MID1: variants seen among roughly 807,000 people sequenced by gnomAD.
MID1 encodes the protein midline 1, also known as E3 ubiquitin-protein ligase Midline-1.
MID1 carries 7 observed loss-of-function variants against 40.4 expected under a neutral mutation model. That is an observed-to-expected ratio of 0.17 (90% CI 0.10 to 0.33). The LOEUF (loss-of-function observed/expected upper bound fraction) is 0.33. Among genes scored for constraint, MID1 ranks in the 10% least tolerant of loss-of-function variants. The pLI is 1.00. For synonymous variants in MID1, 229 were observed against 221.2 expected, an observed-to-expected ratio of 1.04 and a Z score of -0.31; for missense variants, 367 against 558.5, an observed-to-expected ratio of 0.66 and a Z score of 3.46.
intron 2 of MID1, among the ~76,000 whole-genome samples, chrX:10,548,806 AAGGACTCGT>A (rs200783939): frequency 0.059 from 6,592 of 111,882 alleles, 278 homozygotes; most frequent in African/African-American, 0.14. Flanking sequence ...GCTGTTTCCC[AAGGACTCGT>A]AGGAAGCATC....
chrX:10,566,630 C>A (rs1934563409), intron 2 of MID1, among the ~76,000 whole-genome samples: 2 of 108,594 alleles, frequency 1.8e-5, no homozygotes, highest in Admixed American at 2.0e-4. Context: ...TCCAGAAAAA[C>A]TGCATGGATT....
intron 1 of MID1, among the ~76,000 whole-genome samples, chrX:10,833,054 G>T (rs1171250173): frequency 1.8e-5 from 2 of 112,728 alleles, no homozygotes; most frequent in South Asian, 3.6e-4. Flanking sequence ...GTCTCAGAAG[G>T]TGTCCTTTAT....
intron 1 of MID1, among the ~76,000 whole-genome samples, chrX:10,677,129 A>C (rs2043028223): frequency 8.9e-6 from 1 of 112,158 alleles, no homozygotes; most frequent in Non-Finnish European, 1.9e-5. Context: ...TGCAAACATC[A>C]AGAAAAGGTG....
chrX:10,744,939 A>G (rs751115542), intron 1 of MID1, among the ~76,000 whole-genome samples: 11 of 112,381 alleles, frequency 9.8e-5, no homozygotes, highest in Non-Finnish European at 1.7e-4. Context: ...ACTAGATTGA[A>G]ATAAAAGTTC....
intron 1 of MID1, among the ~76,000 whole-genome samples, chrX:10,712,769 C>T (rs1165398006): frequency 8.9e-6 from 1 of 112,020 alleles, no homozygotes; most frequent in Non-Finnish European, 1.9e-5. Context: ...TGGAGCCCCA[C>T]TCCAGACATA....
chrX:10,501,732 G>C (rs1931555240), intron 3 of MID1, among the ~76,000 whole-genome samples: 1 of 111,629 alleles, frequency 9.0e-6, no homozygotes, highest in Non-Finnish European at 1.9e-5. Context: ...TTGCTACTGG[G>C]TGCACGGTTT....
At chrX:10,488,885 TCGGA>T (rs756470899) in intron 4 of MID1, among the ~76,000 whole-genome samples, 25 of 111,342 alleles carry the variant, frequency 2.2e-4, no homozygotes, top group African/African-American at 8.2e-4. Flanking sequence ...GTTTTGAGAG[TCGGA>T]CTGGCTCTCC....
At chrX:10,499,876 T>C (rs756685651) in intron 3 of MID1, among the ~76,000 whole-genome samples, 14 of 112,489 alleles carry the variant, frequency 1.2e-4, no homozygotes, top group Admixed American at 8.5e-4. Context: ...GTGTGTAATA[T>C]ACCCACATGG....
intron 1 of MID1, among the ~76,000 whole-genome samples, chrX:10,811,110 C>G (rs916523613): frequency 1.8e-5 from 2 of 111,433 alleles, no homozygotes; most frequent in African/African-American, 6.5e-5. Flanking sequence ...TCACTTATGA[C>G]TCTAGCTTAT....
chrX:10,628,502 T>A (rs1936018613), intron 1 of MID1, among the ~76,000 whole-genome samples: 1 of 112,064 alleles, frequency 8.9e-6, no homozygotes, highest in African/African-American at 3.2e-5. Flanking sequence ...AAATAACTAT[T>A]CTTTTTCATA....
intron 7 of MID1, among the ~76,000 whole-genome samples, chrX:10,467,389 A>G (rs929786902): frequency 1.8e-5 from 2 of 112,259 alleles, no homozygotes; most frequent in African/African-American, 6.5e-5. Flanking sequence ...ATTGCTATAC[A>G]GGCCTTCTGC....
chrX:10,809,924 A>C (rs1368585734), intron 1 of MID1, among the ~76,000 whole-genome samples: 1 of 110,974 alleles, frequency 9.0e-6, no homozygotes, highest in Non-Finnish European at 1.9e-5. Flanking sequence ...ATAATAAAAA[A>C]ATAATAAAAA....
intron 1 of MID1, among the ~76,000 whole-genome samples, chrX:10,638,292 G>A (rs1396593136): frequency 3.6e-5 from 4 of 111,775 alleles, no homozygotes; most frequent in South Asian, 3.8e-4. Flanking sequence ...CTGGAAAATC[G>A]GGACACTCCC....
chrX:10,721,354 A>T (rs1194399591), intron 1 of MID1, among the ~76,000 whole-genome samples: 1 of 110,882 alleles, frequency 9.0e-6, no homozygotes, highest in African/African-American at 3.3e-5. Context: ...AGTGTGAATT[A>T]AAGAGTAATT....
chrX:10,673,282 C>T (rs1038428098), intron 1 of MID1, among the ~76,000 whole-genome samples: 4 of 111,280 alleles, frequency 3.6e-5, no homozygotes, highest in Admixed American at 9.6e-5. Flanking sequence ...GAGGCTGTGT[C>T]GGTATAGAAA....
chrX:10,714,324 C>A (rs1364611096), intron 1 of MID1, among the ~76,000 whole-genome samples: 1 of 112,514 alleles, frequency 8.9e-6, no homozygotes, highest in East Asian at 2.8e-4. Context: ...GCATGCTTTC[C>A]TGGAGGCACA....
intron 2 of MID1, 111 bp downstream of exon 2, chrX:10,566,777 C>T (rs1011703508): frequency 1.3e-5 from 11 of 832,900 alleles, no homozygotes; most frequent in Non-Finnish European, 1.9e-5. Context: ...AATCAGATAA[C>T]AAAGGTGAGG....
At chrX:10,754,645 G>T (rs1200542961) in intron 1 of MID1, among the ~76,000 whole-genome samples, 1 of 110,525 alleles carries the variant, frequency 9.0e-6, no homozygotes, top group Non-Finnish European at 1.9e-5. Context: ...TTCATTTCCC[G>T]AGTGAGCGAG....
chrX:10,737,777 G>A (rs1475776613), intron 1 of MID1, among the ~76,000 whole-genome samples: 2 of 110,674 alleles, frequency 1.8e-5, no homozygotes, highest in East Asian at 5.7e-4. Flanking sequence ...AAAGATGGGA[G>A]AAGAGGGATG....
Sources: gnomAD v4.1 joint callset for allele counts (sites outside exome capture counted in the v4.1 genomes callset) on GRCh38, gnomAD v4.1.1 for gene constraint, MANE v1.5 for transcripts, NCBI Gene and HGNC (gene_info 2026-07-23, HGNC 2026-07-21) for gene names.